Variants in CNBD1 observed in about 807,000 individuals in gnomAD.
CNBD1 encodes cyclic nucleotide-binding domain-containing protein 1.
A neutral mutation model predicts 54.4 loss-of-function variants in CNBD1; 71 were observed. That is an observed-to-expected ratio of 1.30 (90% CI 1.08 to 1.59). CNBD1 has a LOEUF of 1.59. Among genes scored for constraint, CNBD1 ranks in the 40% most tolerant of loss-of-function variants. The probability of loss-of-function intolerance (pLI) is 0.00; values close to 1 mark genes in which losing one functional copy is unlikely to be tolerated. For synonymous variants in CNBD1, 182 were observed against 170.7 expected, an observed-to-expected ratio of 1.07 and a Z score of -0.51; for missense variants, 659 against 518.0, an observed-to-expected ratio of 1.27 and a Z score of -2.64.
chr8:86,928,838 T>C (rs1809409459), intron 3 of CNBD1, among the ~76,000 whole-genome samples: 1 of 152,174 alleles, frequency 6.6e-6, no homozygotes. Context: ...ATTTGGCCAT[T>C]TGATGAGTGT....
chr8:87,422,923 G>A (rs868527123), intron 2 of CNBD1, among the ~76,000 whole-genome samples: 2,045 of 150,536 alleles, frequency 0.014, 52 homozygotes, highest in African/African-American at 0.04. Context: ...ATGTTCTTCC[G>A]TTTGTTTGTA....
chr8:87,083,729 C>T (rs1259723506), intron 4 of CNBD1, among the ~76,000 whole-genome samples: 1 of 151,750 alleles, frequency 6.6e-6, no homozygotes, highest in Non-Finnish European at 1.5e-5. Flanking sequence ...GCTGGGACTA[C>T]AGTCGCCTAC....
chr8:86,958,851 G>A (rs1030705986), intron 4 of CNBD1, among the ~76,000 whole-genome samples: 8 of 152,170 alleles, frequency 5.3e-5, no homozygotes, highest in Admixed American at 3.3e-4. Flanking sequence ...ATTGTTATGT[G>A]TGAATTTGAT....
At chr8:87,161,001 A>T (rs78882023) in intron 4 of CNBD1, among the ~76,000 whole-genome samples, 1 of 152,048 alleles carries the variant, frequency 6.6e-6, no homozygotes, top group Non-Finnish European at 1.5e-5. Context: ...GGCATCATCA[A>T]TGTTGTCTTC....
chr8:87,140,481 T>C (rs1290269783), intron 4 of CNBD1, among the ~76,000 whole-genome samples: 1 of 152,162 alleles, frequency 6.6e-6, no homozygotes, highest in Non-Finnish European at 1.5e-5. Context: ...AACCTTCAGC[T>C]TGCAGATGAC....
At chr8:87,254,604 T>C (rs187704616) in intron 6 of CNBD1, among the ~76,000 whole-genome samples, 92 of 152,284 alleles carry the variant, frequency 6.0e-4, no homozygotes, top group Admixed American at 1.6e-3. Flanking sequence ...GCTAATGACT[T>C]CACTGTAACA....
At chr8:87,234,315 T>C (rs74679267) in intron 5 of CNBD1, among the ~76,000 whole-genome samples, 3 of 152,318 alleles carry the variant, frequency 2.0e-5, no homozygotes, top group Admixed American at 1.3e-4. Flanking sequence ...TTTTCCAGAA[T>C]GTCCAGTTTA....
intron 6 of CNBD1, among the ~76,000 whole-genome samples, chr8:87,282,346 A>G (rs1342576860): frequency 6.6e-6 from 1 of 151,672 alleles, no homozygotes; most frequent in Non-Finnish European, 1.5e-5. Flanking sequence ...ATTTACATTT[A>G]CCAATGTTTT....
intron 3 of CNBD1, among the ~76,000 whole-genome samples, chr8:86,911,198 G>C (rs976933892): frequency 3.3e-5 from 5 of 152,176 alleles, no homozygotes; most frequent in Non-Finnish European, 7.3e-5. Flanking sequence ...ATTCACCCAT[G>C]CAAGCTTTTA....
At chr8:87,341,544 G>A (rs890776070) in intron 8 of CNBD1, among the ~76,000 whole-genome samples, 1 of 152,152 alleles carries the variant, frequency 6.6e-6, no homozygotes, top group African/African-American at 2.4e-5. Flanking sequence ...CAAAATTCAT[G>A]TTAAAATGTT....
intron 4 of CNBD1, among the ~76,000 whole-genome samples, chr8:86,985,509 A>G (rs1337756232): frequency 6.6e-6 from 1 of 152,148 alleles, no homozygotes; most frequent in Non-Finnish European, 1.5e-5. Flanking sequence ...TCTTGCATCA[A>G]TTCACTTAGG....
chr8:87,093,085 C>T (rs1289994405), intron 4 of CNBD1, among the ~76,000 whole-genome samples: 1 of 152,156 alleles, frequency 6.6e-6, no homozygotes, highest in African/African-American at 2.4e-5. Context: ...TCTTCTCCCT[C>T]TGACTTCTAG....
intron 4 of CNBD1, among the ~76,000 whole-genome samples, chr8:87,034,969 T>G (rs1809881082): frequency 6.6e-6 from 1 of 152,122 alleles, no homozygotes; most frequent in Non-Finnish European, 1.5e-5. Context: ...TTTATGCGGA[T>G]TTTTTAGTTT....
At chr8:87,129,143 A>G (rs1812065646) in intron 4 of CNBD1, among the ~76,000 whole-genome samples, 1 of 147,686 alleles carries the variant, frequency 6.8e-6, no homozygotes, top group Admixed American at 6.9e-5. Context: ...TTTTTTGGTA[A>G]TATCTTTGTG....
chr8:87,403,161 T>A (rs1807597025), intron 2 of CNBD1, among the ~76,000 whole-genome samples: 1 of 151,974 alleles, frequency 6.6e-6, no homozygotes, highest in South Asian at 2.1e-4. Flanking sequence ...TTTTAAAACA[T>A]CACTACAGCT....
chr8:87,244,529 C>T (rs1807762570), intron 6 of CNBD1, among the ~76,000 whole-genome samples: 1 of 152,104 alleles, frequency 6.6e-6, no homozygotes, highest in African/African-American at 2.4e-5. Flanking sequence ...ATATCGTCCT[C>T]CTTGCTTATC....
chr8:86,892,505 TGACA>T (rs1304923365), intron 2 of CNBD1, among the ~76,000 whole-genome samples: 1 of 152,114 alleles, frequency 6.6e-6, no homozygotes, highest in Non-Finnish European at 1.5e-5. Context: ...AAGAACTAAC[TGACA>T]AAGTCATAGA....
intron 3 of CNBD1, among the ~76,000 whole-genome samples, chr8:86,924,942 A>G (rs780068211): frequency 2.6e-5 from 4 of 152,154 alleles, no homozygotes; most frequent in Non-Finnish European, 5.9e-5. Context: ...TTTTAGCTGT[A>G]TATTTTTCTA....
chr8:87,034,322 C>G (rs73275716), intron 4 of CNBD1, among the ~76,000 whole-genome samples: 4,570 of 152,276 alleles, frequency 0.03, 237 homozygotes, highest in African/African-American at 0.1. Flanking sequence ...AGAACTATGA[C>G]AGACCACTTT....
Sources: allele counts gnomAD v4.1 joint callset (sites outside exome capture counted in the v4.1 genomes callset), GRCh38; gene constraint gnomAD v4.1.1; transcripts MANE v1.5; gene names NCBI Gene and HGNC (gene_info 2026-07-23, HGNC 2026-07-21).